FARS2: variants seen among roughly 807,000 people sequenced by gnomAD.
FARS2 encodes the protein phenylalanine--tRNA ligase, mitochondrial.
In FARS2, 40 loss-of-function variants were observed where a neutral mutation model predicts 46.4. That is an observed-to-expected ratio of 0.86 (90% CI 0.67 to 1.12). FARS2 has a LOEUF of 1.12. FARS2 is among the 50% of genes most tolerant of loss of function. The pLI is 0.00. For synonymous variants in FARS2, 234 were observed against 214.9 expected, an observed-to-expected ratio of 1.09 and a Z score of -0.78; for missense variants, 513 against 567.9, an observed-to-expected ratio of 0.90 and a Z score of 0.98.
At chr6:5,496,774 T>G (rs1767491799) in intron 4 of FARS2, among the ~76,000 whole-genome samples, 1 of 152,240 alleles carries the variant, frequency 6.6e-6, no homozygotes, top group Admixed American at 6.5e-5. Context: ...AAAGGCTGTA[T>G]CACGTTCTGA....
At chr6:5,536,146 G>C (rs1360138159) in intron 4 of FARS2, among the ~76,000 whole-genome samples, 1 of 151,016 alleles carries the variant, frequency 6.6e-6, no homozygotes, top group Non-Finnish European at 1.5e-5. Context: ...CCACCTTCCG[G>C]GTTCACACCA....
At chr6:5,495,381 T>C (rs1767398992) in intron 4 of FARS2, among the ~76,000 whole-genome samples, 1 of 152,232 alleles carries the variant, frequency 6.6e-6, no homozygotes, top group Admixed American at 6.5e-5. Context: ...TAAACCCCTG[T>C]GCTCCCAGTG....
chr6:5,551,992 T>G (rs932127864), intron 5 of FARS2, among the ~76,000 whole-genome samples: 1 of 152,208 alleles, frequency 6.6e-6, no homozygotes, highest in Non-Finnish European at 1.5e-5. Context: ...GGATAACGTA[T>G]TCTCAGGTTC....
chr6:5,341,229 ATATATATTTTTTTTTTT>A (rs1771609020), intron 1 of FARS2, among the ~76,000 whole-genome samples: 1 of 4,476 alleles, frequency 2.2e-4, no homozygotes, highest in Non-Finnish European at 4.0e-4. Context: ...ATATATATAT[ATATATATTTTTTTTTTT>A]TTTTTTTTTT....
chr6:5,371,705 A>G (rs1261645611), intron 2 of FARS2, among the ~76,000 whole-genome samples: 3 of 152,164 alleles, frequency 2.0e-5, no homozygotes, highest in Non-Finnish European at 4.4e-5. Context: ...ATTAGATTGC[A>G]GTACAATGTA....
intron 1 of FARS2, among the ~76,000 whole-genome samples, chr6:5,285,043 C>G (rs1405275970): frequency 2.6e-5 from 4 of 152,220 alleles, no homozygotes; most frequent in Admixed American, 6.5e-5. Flanking sequence ...GGAGTGCCTT[C>G]CATGTGCCTG....
intron 6 of FARS2, among the ~76,000 whole-genome samples, chr6:5,743,093 C>T (rs1385059673): frequency 6.6e-6 from 1 of 152,132 alleles, no homozygotes; most frequent in Non-Finnish European, 1.5e-5. Context: ...GCCTTGTAGG[C>T]TATGTCCAGG....
At chr6:5,627,532 A>G (rs988148375) in intron 6 of FARS2, among the ~76,000 whole-genome samples, 3 of 152,228 alleles carry the variant, frequency 2.0e-5, no homozygotes, top group African/African-American at 7.2e-5. Context: ...TGCACATGGC[A>G]TACAATTTTT....
chr6:5,469,167 C>T lies in FARS2; in HGVS notation c.904+37995C>T, dbSNP rs889007679. On this transcript the variant is annotated intron_variant, in intron 4 of 6. Coordinates refer to ENST00000274680, the MANE Select transcript of FARS2 (RefSeq NM_006567.5). ...TTCCAGCGACTGTTTCTTGGGACCA[C>T]TTGGTGGCAGGCCCACAGTCAGCCT... is the stretch of plus-strand genomic sequence containing the variant. Among the ~76,000 whole-genome samples, 4 of 152,232 alleles carry T rather than the reference C, an allele frequency of 2.6e-5. No homozygotes were observed. In the East Asian group the frequency reaches 7.7e-4, roughly 29 times the overall value.
chr6:5,463,207 A>G (rs1004006184), intron 4 of FARS2, among the ~76,000 whole-genome samples: 3 of 152,184 alleles, frequency 2.0e-5, no homozygotes, highest in Non-Finnish European at 4.4e-5. Flanking sequence ...TAAGTATTTT[A>G]TTCTTCTTAA....
In FARS2 at chr6:5,581,417, T is replaced by C. The variant is rs149908475; in HGVS notation, c.1066-31752T>C. Among the ~76,000 whole-genome samples the C allele has an allele frequency of 2.1e-3, 319 of 152,274 alleles. 1 individual carries two copies. Among genetic ancestry groups the C allele is most frequent in the African/African-American group, 7.5e-3 (310 of 41,556 alleles). On this transcript the variant is annotated intron_variant, in intron 5 of 6. Transcript: ENST00000274680. ...TTTGCTTTTACATAAAAAAACAAAG[T>C]CTGTCATATGTCTAGCCGGCTAGTG... is the stretch of plus-strand genomic sequence containing the variant.
chr6:5,263,980 G>A (rs1765371064), intron 1 of FARS2, among the ~76,000 whole-genome samples: 1 of 152,204 alleles, frequency 6.6e-6, no homozygotes, highest in South Asian at 2.1e-4. Flanking sequence ...GGGAGGTTGA[G>A]GCAGGTGGAT....
At chr6:5,543,648 A>T (rs1770770994) in intron 4 of FARS2, among the ~76,000 whole-genome samples, 1 of 152,128 alleles carries the variant, frequency 6.6e-6, no homozygotes, top group Non-Finnish European at 1.5e-5. Context: ...GGCGTGAGCC[A>T]CCGCTCCTGG....
At chr6:5,275,655 G>T (rs1766283009) in intron 1 of FARS2, among the ~76,000 whole-genome samples, 1 of 152,082 alleles carries the variant, frequency 6.6e-6, no homozygotes, top group African/African-American at 2.4e-5. Flanking sequence ...GTAACATGAA[G>T]TGTTCAGCCA....
intron 6 of FARS2, among the ~76,000 whole-genome samples, chr6:5,660,649 A>AG (rs1409528404): frequency 1.7e-5 from 2 of 121,190 alleles, no homozygotes; most frequent in African/African-American, 5.9e-5. Flanking sequence ...ACCCTGTCTC[A>AG]GAAAAAAAAA....
At chr6:5,377,684 A>G (rs1490884584) in intron 2 of FARS2, among the ~76,000 whole-genome samples, 1 of 152,194 alleles carries the variant, frequency 6.6e-6, no homozygotes, top group Non-Finnish European at 1.5e-5. Context: ...TTGATTTTAC[A>G]GGAAAATAAA....
chr6:5,268,733 T>A (rs992633590), intron 1 of FARS2, among the ~76,000 whole-genome samples: 30 of 152,238 alleles, frequency 2.0e-4, no homozygotes, highest in Admixed American at 9.2e-4. Context: ...TTTCCAATTC[T>A]GTGAAGAAAG....
At chr6:5,705,803 C>T (rs1268317344) in intron 6 of FARS2, among the ~76,000 whole-genome samples, 1 of 152,152 alleles carries the variant, frequency 6.6e-6, no homozygotes, top group Non-Finnish European at 1.5e-5. Flanking sequence ...ACTTTTTGAG[C>T]TTATGCCCAT....
At chr6:5,596,501 T>C (rs989937345) in intron 5 of FARS2, among the ~76,000 whole-genome samples, 1 of 152,232 alleles carries the variant, frequency 6.6e-6, no homozygotes, top group Non-Finnish European at 1.5e-5. Flanking sequence ...GTGCTGTGTA[T>C]GGAACCATTA....
Sources: allele counts gnomAD v4.1 joint callset (sites outside exome capture counted in the v4.1 genomes callset), GRCh38; gene constraint gnomAD v4.1.1; transcripts MANE v1.5; gene names NCBI Gene and HGNC (gene_info 2026-07-23, HGNC 2026-07-21).